The following CCDC171 variants were observed in gnomAD, a reference collection of about 807,000 sequenced individuals.
The protein encoded by CCDC171 is coiled-coil domain-containing protein 171.
CCDC171 carries 177 observed loss-of-function variants against 168.2 expected under a neutral mutation model. The observed-to-expected ratio is 1.05, with a 90% CI of 0.93 to 1.19. CCDC171 has a LOEUF of 1.19. CCDC171 is among the 50% of genes most tolerant of loss of function. The probability of loss-of-function intolerance (pLI) is 0.00; values close to 1 mark genes in which losing one functional copy is unlikely to be tolerated. For synonymous variants in CCDC171, 687 were observed against 540.8 expected, an observed-to-expected ratio of 1.27 and a Z score of -3.75; for missense variants, 1,991 against 1,539.0, an observed-to-expected ratio of 1.29 and a Z score of -4.91.
intron 6 of CCDC171, among the ~76,000 whole-genome samples, chr9:15,604,333 A>C (rs1010476543): frequency 6.6e-6 from 1 of 152,098 alleles, no homozygotes; most frequent in African/African-American, 2.4e-5. Flanking sequence ...CCCTGCCACA[A>C]GCTTTTCTAT....
intron 3 of CCDC171, among the ~76,000 whole-genome samples, chr9:15,578,242 ATT>A (rs750469991): frequency 7.1e-6 from 1 of 140,048 alleles, no homozygotes. Context: ...TCTTTTCTTT[ATT>A]TTTTTTTTTT....
intron 7 of CCDC171, among the ~76,000 whole-genome samples, chr9:15,653,688 A>G (rs1564145041): frequency 6.6e-6 from 1 of 152,200 alleles, no homozygotes. Context: ...ATTTTAAACC[A>G]TATCTAGACA....
chr9:15,908,159 A>G (rs1472486577), intron 24 of CCDC171, among the ~76,000 whole-genome samples: 1 of 151,938 alleles, frequency 6.6e-6, no homozygotes, highest in African/African-American at 2.4e-5. Context: ...TACTGGGTAT[A>G]TACCCAAAGG....
chr9:15,657,071 C>T (rs1243039537), intron 7 of CCDC171, 56 bp from the exon 8 acceptor site: 2 of 965,912 alleles, frequency 2.1e-6, no homozygotes, highest in Non-Finnish European at 3.2e-6. Context: ...CTGTAGTGAT[C>T]CATATCTTCT....
chr9:15,690,679 ATTTTG>A (rs1445053020), intron 10 of CCDC171, among the ~76,000 whole-genome samples: 1 of 152,102 alleles, frequency 6.6e-6, no homozygotes, highest in African/African-American at 2.4e-5. Flanking sequence ...GAAAAATATA[ATTTTG>A]TTTTAAGAAT....
Position 15,718,793 on chromosome 9 carries a change from G to A in CCDC171, c.1319-2976G>A, listed in dbSNP as rs577009263. Among the ~76,000 whole-genome samples the A allele has an allele frequency of 1.5e-3, 229 of 152,340 alleles. 2 individuals are homozygous for A. Among genetic ancestry groups the A allele is most frequent in the African/African-American group, 5.1e-3 (213 of 41,588 alleles). Reference sequence around the variant, plus strand: ...GCCCCCTAATGCAGATATAGCTGCAGTGGCCAAAAACTTAGATCACAACAC... The same window carrying A: ...GCCCCCTAATGCAGATATAGCTGCAATGGCCAAAAACTTAGATCACAACAC... On this transcript the variant is annotated intron_variant, in intron 11 of 25. Coordinates refer to ENST00000380701, the MANE Select transcript of CCDC171 (RefSeq NM_173550.4).
downstream of CCDC171, among the ~76,000 whole-genome samples, chr9:15,978,912 C>T (rs1831703533): frequency 6.6e-6 from 1 of 152,130 alleles, no homozygotes; most frequent in Non-Finnish European, 1.5e-5. Context: ...AATCCTCTAT[C>T]CCCTGGTGAC....
At chr9:15,661,289 A>C (rs10810423) in intron 8 of CCDC171, among the ~76,000 whole-genome samples, 4 of 142,944 alleles carry the variant, frequency 2.8e-5, no homozygotes, top group Admixed American at 7.0e-5. Context: ...CAAAAAAAAA[A>C]AAAAAAAAAA....
intron 10 of CCDC171, among the ~76,000 whole-genome samples, chr9:15,685,179 T>C (rs1564206297): frequency 6.6e-6 from 1 of 152,246 alleles, no homozygotes; most frequent in Non-Finnish European, 1.5e-5. Flanking sequence ...AATATGTTAA[T>C]AAAAAATTAG....
intron 25 of CCDC171, among the ~76,000 whole-genome samples, chr9:15,956,264 T>A (rs1162541058): frequency 6.6e-6 from 1 of 152,192 alleles, no homozygotes; most frequent in Non-Finnish European, 1.5e-5. Flanking sequence ...TTGCCTGGTG[T>A]GAAATAGTGG....
In CCDC171 at chr9:15,891,621, G is replaced by A. The variant is rs1183254237; in HGVS notation, c.3600+16958G>A. ...AAATATCTTTTGAAGGGGTTAAATA[G>A]GCACTTCAAATATAATCCACATTAT... On this transcript the variant is annotated intron_variant, in intron 24 of 25. Transcript: ENST00000380701. Among the ~76,000 whole-genome samples, 7 of 152,210 alleles carry A rather than the reference G, an allele frequency of 4.6e-5. No individual in the cohort carries two copies. The East Asian group carries it at 7.7e-4, about 17-fold the overall frequency.
intron 10 of CCDC171, among the ~76,000 whole-genome samples, chr9:15,683,132 G>C (rs1010892088): frequency 6.6e-6 from 1 of 152,002 alleles, no homozygotes; most frequent in Non-Finnish European, 1.5e-5. Context: ...AGCTCTAGGA[G>C]AGACTTTATA....
intron 21 of CCDC171, among the ~76,000 whole-genome samples, chr9:15,810,303 C>G (rs2059284017): frequency 6.6e-6 from 1 of 152,236 alleles, no homozygotes; most frequent in Admixed American, 6.5e-5. Context: ...TTCTCCAAGT[C>G]CCCACCCGAC....
At chr9:16,083,236 C>A in the CCDC171 span, among the ~76,000 whole-genome samples, 1 of 152,162 alleles carries the variant, frequency 6.6e-6, no homozygotes, top group African/African-American at 2.4e-5. Context: ...ACTTTATCCT[C>A]GCGATAATCC....
intron 3 of CCDC171, among the ~76,000 whole-genome samples, chr9:15,990,103 A>G (rs1046457836): frequency 1.3e-5 from 2 of 152,096 alleles, no homozygotes; most frequent in East Asian, 1.9e-4. Context: ...CCTCAAGAAG[A>G]GCAACTCCAA....
At chr9:15,956,063 A>G (rs1028221187) in intron 25 of CCDC171, among the ~76,000 whole-genome samples, 2 of 152,192 alleles carry the variant, frequency 1.3e-5, no homozygotes, top group Non-Finnish European at 2.9e-5. Context: ...TTCATTCAAG[A>G]TCTCTCCCTT....
At chr9:15,617,434 T>C (rs1044951357) in intron 6 of CCDC171, among the ~76,000 whole-genome samples, 1 of 151,108 alleles carries the variant, frequency 6.6e-6, no homozygotes, top group African/African-American at 2.4e-5. Context: ...TGGAATGCAG[T>C]GGCGTGATCT....
chr9:15,559,980 T>C (rs2039143133), intron 1 of CCDC171, among the ~76,000 whole-genome samples: 1 of 152,138 alleles, frequency 6.6e-6, no homozygotes, highest in Non-Finnish European at 1.5e-5. Flanking sequence ...TTATTTCTCC[T>C]TCACTTATGA....
intron 11 of CCDC171, among the ~76,000 whole-genome samples, chr9:15,713,541 C>G (rs1426083931): frequency 6.6e-6 from 1 of 152,036 alleles, no homozygotes; most frequent in African/African-American, 2.4e-5. Flanking sequence ...ACACAGTAAC[C>G]GTTTCATGAT....
Sources: gnomAD v4.1 joint callset for allele counts (sites outside exome capture counted in the v4.1 genomes callset) on GRCh38, gnomAD v4.1.1 for gene constraint, MANE v1.5 for transcripts, NCBI Gene and HGNC (gene_info 2026-07-23, HGNC 2026-07-21) for gene names.